Variants in NREP observed in about 807,000 individuals in gnomAD.
NREP encodes neuronal regeneration related protein.
Under a neutral mutation model 8.6 loss-of-function variants are expected in NREP, and 5 were observed. That is an observed-to-expected ratio of 0.58 (90% CI 0.30 to 1.22). NREP has a LOEUF of 1.22. NREP is among the 50% of genes most tolerant of loss of function. The probability of loss-of-function intolerance (pLI) is 0.07; values close to 1 mark genes in which losing one functional copy is unlikely to be tolerated. For missense variants in NREP, 86 were observed against 82.5 expected (o/e 1.04, Z -0.17); for synonymous variants, 27 against 28.0 (o/e 0.96, Z 0.11).
intron 2 of NREP, among the ~76,000 whole-genome samples, chr5:111,949,582 A>G (rs1756095645): frequency 6.6e-6 from 1 of 151,932 alleles, no homozygotes; most frequent in Non-Finnish European, 1.5e-5. Context: ...TGCACCCATC[A>G]ACCTGTCATC....
At chr5:111,742,194 G>A (rs913552254) in intron 2 of NREP, among the ~76,000 whole-genome samples, 1 of 152,114 alleles carries the variant, frequency 6.6e-6, no homozygotes, top group Non-Finnish European at 1.5e-5. Flanking sequence ...TGATGTTACT[G>A]TCCAACATTA....
intron 2 of NREP, among the ~76,000 whole-genome samples, chr5:111,930,964 C>A (rs474807): frequency 0.53 from 80,525 of 151,872 alleles, 22,360 homozygotes; most frequent in African/African-American, 0.67. Flanking sequence ...TTACTTATGC[C>A]ATCATTGTGC....
chr5:111,854,730 A>G (rs986234722), intron 2 of NREP, among the ~76,000 whole-genome samples: 4 of 152,176 alleles, frequency 2.6e-5, no homozygotes, highest in Non-Finnish European at 5.9e-5. Context: ...ATAATAAAAC[A>G]TGAAAAAAAC....
In NREP at chr5:111,730,738, C is replaced by T. The variant is rs1182146162; in HGVS notation, c.*183G>A. ...AAATTCTGAGCGTTTTCACTTGAGT[C>T]AGAATGATTAAAAACTGGTTTGATG... On this transcript the variant is annotated 3_prime_UTR_variant, in exon 4 of 4. Transcript: ENST00000257435. 3 of 662,846 alleles carry T rather than the reference C, an allele frequency of 4.5e-6. No individual in the cohort carries two copies. Among genetic ancestry groups the T allele is most frequent in the South Asian group, 2.4e-5 (1 of 42,298 alleles). 41.1% of individuals were successfully genotyped at this position (662,846 alleles called of 1,614,324 possible). A position where few individuals can be genotyped will look rare whatever the true frequency, so the allele number is the denominator to read the frequency against.
chr5:111,925,592 G>A (rs1012803474), intron 2 of NREP, among the ~76,000 whole-genome samples: 7 of 152,152 alleles, frequency 4.6e-5, no homozygotes, highest in African/African-American at 1.4e-4. Context: ...ATCAGGGGCT[G>A]CCTGAGTAAT....
chr5:111,819,409 C>T (rs1400532492), intron 2 of NREP, among the ~76,000 whole-genome samples: 1 of 152,166 alleles, frequency 6.6e-6, no homozygotes, highest in African/African-American at 2.4e-5. Flanking sequence ...AACCCCTTCC[C>T]CTCCCTTGTC....
intron 2 of NREP, among the ~76,000 whole-genome samples, chr5:111,843,567 CG>C (rs541690905): frequency 4.7e-5 from 7 of 149,684 alleles, no homozygotes; most frequent in South Asian, 2.1e-4. Context: ...GGCCAGTTAC[CG>C]GGGCTTTATT....
intron 2 of NREP, among the ~76,000 whole-genome samples, chr5:111,968,946 G>T (rs1425806108): frequency 1.3e-5 from 2 of 152,132 alleles, no homozygotes; most frequent in African/African-American, 4.8e-5. Context: ...ATGTAAAATA[G>T]GTCAAACTTT....
intron 2 of NREP, among the ~76,000 whole-genome samples, chr5:111,882,853 T>G (rs1221537413): frequency 6.6e-6 from 1 of 152,208 alleles, no homozygotes; most frequent in Non-Finnish European, 1.5e-5. Context: ...GAACAACCGG[T>G]ACCAGCCACT....
intron 2 of NREP, chr5:111,739,089 C>A (rs762290182): frequency 1.3e-5 from 2 of 152,162 alleles, no homozygotes; most frequent in Non-Finnish European, 2.9e-5. Flanking sequence ...TGGCAGCCCT[C>A]GCAAACTAAA....
Position 111,956,193 on chromosome 5 carries a change from A to G in NREP, c.135+19081T>C, listed in dbSNP as rs777355486. Among the ~76,000 whole-genome samples, 7 of 152,116 alleles carry G rather than the reference A, an allele frequency of 4.6e-5. No individual in the cohort carries two copies. In the South Asian group the frequency reaches 6.2e-4, roughly 13 times the overall value. ...AGGACAGACACAAGGGAGCTCAGAG[A>G]CAGGAGAATTCTTCAGGAAAATGGG... On this transcript the variant is annotated intron_variant, in intron 2 of 3. Coordinates refer to the NREP transcript ENST00000395634.
chr5:111,912,290 C>A (rs1037837853), intron 2 of NREP, among the ~76,000 whole-genome samples: 3 of 151,962 alleles, frequency 2.0e-5, no homozygotes, highest in Non-Finnish European at 4.4e-5. Flanking sequence ...CCCACCCTGG[C>A]AAAATGAGCT....
intron 2 of NREP, among the ~76,000 whole-genome samples, chr5:111,743,412 T>G (rs1749806128): frequency 6.6e-6 from 1 of 152,042 alleles, no homozygotes; most frequent in African/African-American, 2.4e-5. Context: ...CTCCCTGGAG[T>G]GGAACCAGAA....
intron 2 of NREP, among the ~76,000 whole-genome samples, chr5:111,886,142 C>G (rs1043004363): frequency 3.7e-4 from 57 of 152,150 alleles, no homozygotes; most frequent in Middle Eastern, 3.4e-3. Flanking sequence ...TCAAACAACC[C>G]CATCAAAAAG....
At position 111,909,126 on chromosome 5, in the gene NREP, C is replaced by A. The variant is rs79655901; in HGVS notation, c.135+66148G>T. Among the ~76,000 whole-genome samples, 1,445 of 152,026 alleles carry A rather than the reference C, an allele frequency of 9.5e-3. 10 individuals are homozygous for A. The highest frequency in any genetic ancestry group is 0.035 in the South Asian group (168 of 4,812). On this transcript the variant is annotated intron_variant, in intron 2 of 3. Transcript: ENST00000395634. ...CCCTTATAGGGTCTGGATATTAGAC[C>A]TTTCTCTGATGCATAGTTCGCGAAT...
chr5:111,911,992 C>T (rs983115876), intron 2 of NREP, among the ~76,000 whole-genome samples: 4 of 152,018 alleles, frequency 2.6e-5, no homozygotes, highest in South Asian at 2.1e-4. Context: ...TAATGGTACA[C>T]GATTGATAAG....
intron 2 of NREP, among the ~76,000 whole-genome samples, chr5:111,915,255 G>T (rs1316424905): frequency 6.6e-6 from 1 of 152,126 alleles, no homozygotes; most frequent in Admixed American, 6.5e-5. Context: ...CTGGCCTCAG[G>T]TCAGGAGAGC....
At chr5:111,770,616 G>A (rs1751196552) in intron 2 of NREP, among the ~76,000 whole-genome samples, 1 of 132,480 alleles carries the variant, frequency 7.5e-6, no homozygotes, top group Non-Finnish European at 1.5e-5. Flanking sequence ...ACCCAGGCTG[G>A]ATGGAGTACA....
chr5:111,919,877 A>G (rs200888682), intron 2 of NREP, among the ~76,000 whole-genome samples: 1 of 133,074 alleles, frequency 7.5e-6, no homozygotes, highest in African/African-American at 2.9e-5. Flanking sequence ...GAGAGAAAGA[A>G]AGAAAGAAAG....
Sources: allele counts gnomAD v4.1 joint callset (sites outside exome capture counted in the v4.1 genomes callset), GRCh38; gene constraint gnomAD v4.1.1; transcripts MANE v1.5; gene names NCBI Gene and HGNC (gene_info 2026-07-23, HGNC 2026-07-21).